Variants in ZFHX4 observed in about 807,000 individuals in gnomAD.
ZFHX4 encodes the protein zinc finger homeobox 4, also known as zinc finger homeobox protein 4.
ZFHX4 carries 56 observed loss-of-function variants against 267.6 expected under a neutral mutation model. The ratio of observed to expected loss-of-function variants is 0.21; its 90% confidence interval spans 0.17 to 0.26. The LOEUF (loss-of-function observed/expected upper bound fraction) is 0.26, where lower values mean the gene tolerates loss of function less well. Ranked by LOEUF, ZFHX4 falls within the 10% of genes least tolerant of loss-of-function variation. The pLI is 1.00. For synonymous variants in ZFHX4, 1,778 were observed against 1,665.6 expected, an observed-to-expected ratio of 1.07 and a Z score of -1.64; for missense variants, 4,332 against 4,420.0, an observed-to-expected ratio of 0.98 and a Z score of 0.56.
intron 4 of ZFHX4, among the ~76,000 whole-genome samples, chr8:76,791,094 C>T (rs1208254894): frequency 1.3e-5 from 2 of 152,186 alleles, no homozygotes; most frequent in African/African-American, 4.8e-5. Context: ...CAGAAACAGA[C>T]TGAAAAACTG....
chr8:76,796,593 G>C (rs927153453), intron 4 of ZFHX4, among the ~76,000 whole-genome samples: 1 of 152,146 alleles, frequency 6.6e-6, no homozygotes, highest in African/African-American at 2.4e-5. Flanking sequence ...CAACAGCGTG[G>C]TTAAACAAAT....
At chr8:76,768,845 A>G (rs1434011366) in intron 3 of ZFHX4, among the ~76,000 whole-genome samples, 2 of 152,210 alleles carry the variant, frequency 1.3e-5, no homozygotes, top group East Asian at 3.8e-4. Context: ...AGGGGGCTTG[A>G]TATCAAAAGA....
chr8:76,804,382 C>A (rs1004730442), intron 4 of ZFHX4, among the ~76,000 whole-genome samples: 4 of 151,876 alleles, frequency 2.6e-5, no homozygotes, highest in Non-Finnish European at 4.4e-5. Flanking sequence ...ATTTGAATAG[C>A]GAAGTAGTCA....
chr8:76,859,840 G>T lies in ZFHX4; in HGVS notation c.9380-3254G>T, dbSNP rs554412328. ...TCAGTCAAAGAAACTTGGAGAAAATGAACTACATATGAGTGCGTTAAGAAG... is the reference window on the plus strand; with the variant it reads ...TCAGTCAAAGAAACTTGGAGAAAATTAACTACATATGAGTGCGTTAAGAAG... On this transcript the variant is annotated intron_variant, in intron 10 of 10. Transcript: ENST00000651372. 5.3e-5 allele frequency among the ~76,000 whole-genome samples: 8 copies of T among 152,152 alleles called. 1 individual carries two copies. The highest frequency in any genetic ancestry group is 1.9e-4 in the African/African-American group (8 of 41,536).
intron 1 of ZFHX4, among the ~76,000 whole-genome samples, chr8:76,699,059 C>T (rs538705390): frequency 2.0e-5 from 3 of 152,138 alleles, no homozygotes; most frequent in African/African-American, 7.2e-5. Context: ...TGGTTCACTC[C>T]GAATCAGCTG....
At chr8:76,794,844 TAG>T (rs1428478359) in intron 4 of ZFHX4, among the ~76,000 whole-genome samples, 1 of 151,494 alleles carries the variant, frequency 6.6e-6, no homozygotes, top group Non-Finnish European at 1.5e-5. Context: ...TTAAAATGGA[TAG>T]AGATGGAGAA....
At chr8:76,716,118 G>C (rs1216951293) in intron 3 of ZFHX4, among the ~76,000 whole-genome samples, 1 of 152,102 alleles carries the variant, frequency 6.6e-6, no homozygotes, top group East Asian at 1.9e-4. Context: ...AGCTTTTAAA[G>C]CTTTAAAATA....
chr8:76,778,795 G>A (rs1022630289), intron 4 of ZFHX4, among the ~76,000 whole-genome samples: 9 of 152,010 alleles, frequency 5.9e-5, no homozygotes, highest in African/African-American at 2.2e-4. Context: ...AAGTTTCTTT[G>A]CTGCCAGCAG....
chr8:76,824,064 C>T (rs1811723316), intron 4 of ZFHX4, among the ~76,000 whole-genome samples: 1 of 152,116 alleles, frequency 6.6e-6, no homozygotes, highest in Non-Finnish European at 1.5e-5. Flanking sequence ...CCCGATTTTA[C>T]AGATGAGGAC....
At chr8:76,810,661 G>A (rs1811354745) in intron 4 of ZFHX4, among the ~76,000 whole-genome samples, 1 of 152,032 alleles carries the variant, frequency 6.6e-6, no homozygotes, top group Non-Finnish European at 1.5e-5. Flanking sequence ...CGTTATACTG[G>A]CAGATGTTAA....
chr8:76,736,559 T>C (rs759901687), intron 3 of ZFHX4, among the ~76,000 whole-genome samples: 17 of 151,592 alleles, frequency 1.1e-4, no homozygotes, highest in Non-Finnish European at 2.2e-4. Flanking sequence ...AAATATAGTG[T>C]GAAAAACAGA....
chr8:76,839,101 A>AGAGAGAGAGAGAG (rs1812169860), intron 5 of ZFHX4, among the ~76,000 whole-genome samples: 2 of 97,670 alleles, frequency 2.0e-5, no homozygotes, highest in Non-Finnish European at 2.4e-5. Flanking sequence ...GAGAGAGAGA[A>AGAGAGAGAGAGAG]GGACAATGGG....
intron 3 of ZFHX4, among the ~76,000 whole-genome samples, chr8:76,746,625 C>G (rs1809466555): frequency 6.6e-6 from 1 of 151,932 alleles, no homozygotes; most frequent in East Asian, 1.9e-4. Context: ...TTTCTCTGTT[C>G]AGATTGTGTA....
At chr8:76,740,442 A>G (rs1748423021) in intron 3 of ZFHX4, among the ~76,000 whole-genome samples, 4 of 152,036 alleles carry the variant, frequency 2.6e-5, no homozygotes, top group Admixed American at 2.6e-4. Flanking sequence ...AATCACCATT[A>G]AAGAGCTAAC....
At chr8:76,759,615 G>T (rs1249814176) in intron 3 of ZFHX4, among the ~76,000 whole-genome samples, 1 of 152,128 alleles carries the variant, frequency 6.6e-6, no homozygotes, top group Non-Finnish European at 1.5e-5. Context: ...GAGCAGAAAT[G>T]GTGATTGATC....
At chr8:76,682,849 T>C (rs1807578518) in intron 1 of ZFHX4, among the ~76,000 whole-genome samples, 1 of 152,086 alleles carries the variant, frequency 6.6e-6, no homozygotes, top group African/African-American at 2.4e-5. Flanking sequence ...GAAAAGGGAC[T>C]GGAATGCGCC....
At chr8:76,774,241 G>A (rs555691118) in intron 3 of ZFHX4, among the ~76,000 whole-genome samples, 6 of 152,056 alleles carry the variant, frequency 3.9e-5, no homozygotes, top group Non-Finnish European at 8.8e-5. Context: ...ACTCATGGCA[G>A]TTGTCTATGA....
rs1287667983 is a variant in ZFHX4, at chr8:76,850,151, A to G, written c.3847-94A>G. On this transcript the variant is annotated intron_variant, in intron 8 of 10. Coordinates refer to ENST00000651372, the MANE Select transcript of ZFHX4 (RefSeq NM_024721.5). ...ATCCCTGCTTTGGCTAAAATAAACA[A>G]ATGTAAGTGGGATATGCTACCAGCA... 1.8e-5 allele frequency: 18 copies of G among 1,007,424 alleles called. No homozygotes were observed. In the South Asian group the frequency reaches 2.7e-4, roughly 15 times the overall value. 62.4% of individuals were successfully genotyped at this position (1,007,424 alleles called of 1,614,324 possible).
intron 3 of ZFHX4, among the ~76,000 whole-genome samples, chr8:76,747,520 A>G (rs774901899): frequency 1.3e-5 from 2 of 152,194 alleles, no homozygotes; most frequent in Non-Finnish European, 2.9e-5. Flanking sequence ...TAAGGCCACT[A>G]TTAAAATAAT....
Sources: gnomAD v4.1 joint callset for allele counts (sites outside exome capture counted in the v4.1 genomes callset) on GRCh38, gnomAD v4.1.1 for gene constraint, MANE v1.5 for transcripts, NCBI Gene and HGNC (gene_info 2026-07-23, HGNC 2026-07-21) for gene names.